OXR1: variants seen among roughly 807,000 people sequenced by gnomAD.
The protein encoded by OXR1 is oxidation resistance protein 1.
A neutral mutation model predicts 104.6 loss-of-function variants in OXR1; 41 were observed. The ratio of observed to expected loss-of-function variants is 0.39; its 90% confidence interval spans 0.31 to 0.51. The LOEUF is 0.51. Ranked by LOEUF, OXR1 falls within the 20% of genes least tolerant of loss-of-function variation. The pLI is 0.77. For synonymous variants in OXR1, 348 were observed against 348.4 expected, an observed-to-expected ratio of 1.00 and a Z score of 0.01; for missense variants, 955 against 1,031.9, an observed-to-expected ratio of 0.93 and a Z score of 1.02.
At chr8:106,487,136 G>T (rs891529201) in intron 2 of OXR1, among the ~76,000 whole-genome samples, 11 of 149,904 alleles carry the variant, frequency 7.3e-5, no homozygotes, top group Admixed American at 4.7e-4. Flanking sequence ...CGATTCTCCT[G>T]CTTCAGCCTC....
chr8:106,658,043 C>T (rs758362640), intron 3 of OXR1: 249 of 1,248,660 alleles, frequency 2.0e-4, no homozygotes, highest in Non-Finnish European at 2.4e-4. Context: ...GGGGCACGGC[C>T]AACCGCCTGT....
At chr8:106,571,977 A>T (rs1311808251) in intron 3 of OXR1, among the ~76,000 whole-genome samples, 2 of 152,040 alleles carry the variant, frequency 1.3e-5, no homozygotes, top group Non-Finnish European at 2.9e-5. Flanking sequence ...TGGCAATGTC[A>T]CTCCCATGAC....
intron 2 of OXR1, among the ~76,000 whole-genome samples, chr8:106,472,343 T>C (rs912188106): frequency 6.6e-6 from 1 of 151,812 alleles, no homozygotes; most frequent in African/African-American, 2.4e-5. Context: ...TACTGAGGAT[T>C]TCCTATTCAC....
chr8:106,514,300 T>G (rs1812727837), intron 2 of OXR1, among the ~76,000 whole-genome samples: 1 of 152,140 alleles, frequency 6.6e-6, no homozygotes, highest in Non-Finnish European at 1.5e-5. Flanking sequence ...TTTCACGAAA[T>G]TTGGAAATTG....
At chr8:106,692,677 T>G in intron 6 of OXR1, 51 bp from the exon 7 acceptor site, 2 of 1,232,160 alleles carry the variant, frequency 1.6e-6, no homozygotes, top group Non-Finnish European at 1.1e-6. Context: ...TGTGCTCATT[T>G]TTATTTTGTT....
At chr8:106,336,024 A>T (rs1426097109) in intron 1 of OXR1, among the ~76,000 whole-genome samples, 1 of 152,202 alleles carries the variant, frequency 6.6e-6, no homozygotes, top group Non-Finnish European at 1.5e-5. Context: ...TGAACCCCGG[A>T]GGCAGAGGTT....
intron 7 of OXR1, among the ~76,000 whole-genome samples, chr8:106,694,927 T>G (rs9693378): frequency 2.2e-5 from 3 of 136,638 alleles, no homozygotes; most frequent in African/African-American, 8.0e-5. Context: ...TTATATATAT[T>G]TATATATATA....
chr8:106,432,851 G>A (rs1411392746), intron 2 of OXR1, among the ~76,000 whole-genome samples: 1 of 151,966 alleles, frequency 6.6e-6, no homozygotes, highest in Non-Finnish European at 1.5e-5. Context: ...AGTATGTGTT[G>A]AATGAAAAAA....
chr8:106,452,787 A>G (rs1022047397), intron 2 of OXR1, among the ~76,000 whole-genome samples: 6 of 152,074 alleles, frequency 3.9e-5, no homozygotes, highest in Admixed American at 3.9e-4. Flanking sequence ...GATTCTTTCT[A>G]TGTGGAATCC....
intron 3 of OXR1, among the ~76,000 whole-genome samples, chr8:106,607,022 C>T (rs957201651): frequency 6.6e-6 from 1 of 151,882 alleles, no homozygotes; most frequent in Admixed American, 6.6e-5. Flanking sequence ...ATTTCAACAC[C>T]TTTCACAAAC....
At chr8:106,508,494 T>C (rs929738968) in intron 2 of OXR1, among the ~76,000 whole-genome samples, 1 of 152,090 alleles carries the variant, frequency 6.6e-6, no homozygotes, top group African/African-American at 2.4e-5. Context: ...AGGAAGAGGA[T>C]GTGGCATGCC....
intron 3 of OXR1, among the ~76,000 whole-genome samples, chr8:106,566,546 G>T (rs1169005621): frequency 6.6e-6 from 1 of 152,230 alleles, no homozygotes; most frequent in African/African-American, 2.4e-5. Context: ...TTCGACCATT[G>T]TGGAAGACAG....
At chr8:106,558,614 C>G (rs1279155858) in intron 3 of OXR1, among the ~76,000 whole-genome samples, 2 of 152,188 alleles carry the variant, frequency 1.3e-5, no homozygotes, top group Non-Finnish European at 2.9e-5. Context: ...ATCTTGATAT[C>G]TTATTAATAT....
chr8:106,479,998 G>C (rs1378321347), intron 2 of OXR1, among the ~76,000 whole-genome samples: 2 of 151,982 alleles, frequency 1.3e-5, no homozygotes, highest in East Asian at 3.9e-4. Context: ...TAGGAGTTGT[G>C]ATAGTCAGTA....
rs183658460 is a variant in OXR1 at position 106,733,230 on chromosome 8, G to T, written c.1957-4290G>T. Among the ~76,000 whole-genome samples the T allele has an allele frequency of 3.9e-5, 6 of 152,082 alleles. No homozygotes were observed. The East Asian group carries it at 1.2e-3, about 29-fold the overall frequency. On this transcript the variant is annotated intron_variant, in intron 11 of 16. Transcript: ENST00000517566. ...GTGGTTTGTGTCTTTCAAGGAATTGGTTTGCTTTATCTAGATTATCAAATT... is the reference window on the plus strand; with the variant it reads ...GTGGTTTGTGTCTTTCAAGGAATTGTTTTGCTTTATCTAGATTATCAAATT...
chr8:106,272,897 A>T (rs1019752728), intron 1 of OXR1: 17 of 152,066 alleles, frequency 1.1e-4, no homozygotes, highest in Admixed American at 1.0e-3. Context: ...ACATCATCTG[A>T]TATGTTTGCC....
rs371561436 is a variant in OXR1, at chr8:106,649,929, T to C, written c.221-29281T>C. 3.3e-5 allele frequency among the ~76,000 whole-genome samples: 5 copies of C among 152,146 alleles called. No homozygotes were observed. The East Asian group carries it at 7.8e-4, about 24-fold the overall frequency. Reference sequence around the variant, plus strand: ...GCCAGAATGGTCTCGACCTCCTGACTTCATGATCCGCCCACCTTGGCCTCC... The same window carrying C: ...GCCAGAATGGTCTCGACCTCCTGACCTCATGATCCGCCCACCTTGGCCTCC... On this transcript the variant is annotated intron_variant, in intron 3 of 16. Coordinates refer to ENST00000517566, the MANE Select transcript of OXR1 (RefSeq NM_001198533.2).
chr8:106,415,109 T>C (rs569466308), intron 2 of OXR1, among the ~76,000 whole-genome samples: 1 of 152,174 alleles, frequency 6.6e-6, no homozygotes, highest in East Asian at 1.9e-4. Flanking sequence ...TGACATGTCT[T>C]TTTGGAGCCG....
intron 3 of OXR1, among the ~76,000 whole-genome samples, chr8:106,542,595 C>T (rs73699550): frequency 0.023 from 3,443 of 152,128 alleles, 134 homozygotes; most frequent in African/African-American, 0.078. Context: ...ATTTCCAGTA[C>T]GGGTTAGGCA....
Sources: gnomAD v4.1 joint callset for allele counts (sites outside exome capture counted in the v4.1 genomes callset) on GRCh38, gnomAD v4.1.1 for gene constraint, MANE v1.5 for transcripts, NCBI Gene and HGNC (gene_info 2026-07-23, HGNC 2026-07-21) for gene names.